Variants in NALF1 observed in about 807,000 individuals in gnomAD.
NALF1 encodes the protein NALCN channel auxiliary factor 1, also known as family with sequence similarity 155 member A.
A neutral mutation model predicts 48.4 loss-of-function variants in NALF1; 3 were observed. The ratio of observed to expected loss-of-function variants is 0.06; its 90% confidence interval spans 0.03 to 0.16. The LOEUF (loss-of-function observed/expected upper bound fraction) is 0.16, where lower values mean the gene tolerates loss of function less well. Ranked by LOEUF, NALF1 falls within the 10% of genes least tolerant of loss-of-function variation. The pLI, the probability that NALF1 is intolerant of heterozygous loss-of-function variation, is 1.00. For missense variants in NALF1, 526 were observed against 571.5 expected, an observed-to-expected ratio of 0.92 and a Z score of 0.81; for synonymous variants, 262 against 245.7, an observed-to-expected ratio of 1.07 and a Z score of -0.62.
intron 1 of NALF1, among the ~76,000 whole-genome samples, chr13:107,283,911 G>A (rs143130764): frequency 1.8e-4 from 27 of 151,970 alleles, no homozygotes; most frequent in Middle Eastern, 3.4e-3. Context: ...CACCCACCTC[G>A]GCCTCCCAAA....
intron 1 of NALF1, among the ~76,000 whole-genome samples, chr13:107,509,378 A>G (rs1875807033): frequency 6.6e-6 from 1 of 152,154 alleles, no homozygotes; most frequent in South Asian, 2.1e-4. Flanking sequence ...TAACTACGAA[A>G]CCGTTGTCTA....
chr13:107,523,764 T>C (rs1876332537), intron 1 of NALF1, among the ~76,000 whole-genome samples: 1 of 151,980 alleles, frequency 6.6e-6, no homozygotes. Flanking sequence ...TAACAAATTA[T>C]TTTGGTTTGA....
chr13:107,662,289 G>A (rs1329327623), intron 1 of NALF1, among the ~76,000 whole-genome samples: 1 of 152,190 alleles, frequency 6.6e-6, no homozygotes, highest in Non-Finnish European at 1.5e-5. Flanking sequence ...TCCACATGGA[G>A]TCCTGGACCC....
chr13:107,345,323 A>G (rs1362525235), intron 1 of NALF1, among the ~76,000 whole-genome samples: 2 of 152,170 alleles, frequency 1.3e-5, no homozygotes, highest in Admixed American at 6.5e-5. Context: ...TTCATATGGA[A>G]TCTGGAAGGA....
At chr13:107,540,821 A>G (rs1876978691) in intron 1 of NALF1, among the ~76,000 whole-genome samples, 1 of 152,164 alleles carries the variant, frequency 6.6e-6, no homozygotes, top group Non-Finnish European at 1.5e-5. Flanking sequence ...GGATATTCCT[A>G]AACAAGAAAC....
At chr13:107,514,061 T>C (rs1875979084) in intron 1 of NALF1, among the ~76,000 whole-genome samples, 1 of 152,210 alleles carries the variant, frequency 6.6e-6, no homozygotes. Flanking sequence ...TCCTAGAGAC[T>C]CAGAGTCCTT....
chr13:107,777,067 G>C (rs539968201), intron 1 of NALF1, among the ~76,000 whole-genome samples: 60 of 152,210 alleles, frequency 3.9e-4, no homozygotes, highest in South Asian at 1.7e-3. Context: ...ACTCCAGCCT[G>C]GGTGATGGAG....
intron 1 of NALF1, among the ~76,000 whole-genome samples, chr13:107,607,769 C>T (rs1317400360): frequency 1.3e-5 from 2 of 152,142 alleles, no homozygotes; most frequent in East Asian, 3.9e-4. Flanking sequence ...CCTTGCCTTA[C>T]TTATCATTTC....
At chr13:107,216,829 T>G (rs921392881) in intron 1 of NALF1, among the ~76,000 whole-genome samples, 1 of 152,146 alleles carries the variant, frequency 6.6e-6, no homozygotes, top group African/African-American at 2.4e-5. Context: ...GCAAGCCCAG[T>G]TGGCCAATCA....
At chr13:107,645,400 G>A (rs942534840) in intron 1 of NALF1, among the ~76,000 whole-genome samples, 5 of 152,078 alleles carry the variant, frequency 3.3e-5, no homozygotes, top group Non-Finnish European at 7.4e-5. Context: ...CCCAGAATCT[G>A]TGAAGATTTT....
intron 1 of NALF1, among the ~76,000 whole-genome samples, chr13:107,775,625 C>T (rs940431809): frequency 1.7e-4 from 26 of 150,444 alleles, no homozygotes; most frequent in South Asian, 8.4e-4. Flanking sequence ...CCTGAGGAAT[C>T]GCCACACTGA....
At chr13:107,420,481 A>G (rs1445760528) in intron 1 of NALF1, among the ~76,000 whole-genome samples, 1 of 152,168 alleles carries the variant, frequency 6.6e-6, no homozygotes, top group African/African-American at 2.4e-5. Flanking sequence ...TCTAACTGGC[A>G]AAAATTAATT....
At chr13:107,298,185 TA>T (rs916932513) in intron 1 of NALF1, among the ~76,000 whole-genome samples, 1 of 151,008 alleles carries the variant, frequency 6.6e-6, no homozygotes, top group Non-Finnish European at 1.5e-5. Flanking sequence ...CCGTCTCTAA[TA>T]AAAAATACAC....
intron 1 of NALF1, among the ~76,000 whole-genome samples, chr13:107,328,823 G>A (rs1054284861): frequency 7.2e-5 from 11 of 152,282 alleles, no homozygotes; most frequent in African/African-American, 1.2e-4. Context: ...GGTGGCCAAC[G>A]CTATCAAAAA....
At chr13:107,645,028 A>T (rs1880277789) in intron 1 of NALF1, among the ~76,000 whole-genome samples, 1 of 152,144 alleles carries the variant, frequency 6.6e-6, no homozygotes, top group Non-Finnish European at 1.5e-5. Context: ...ACTACAATTT[A>T]TTTGGTATTG....
At chr13:107,519,668 T>C (rs1472051740) in intron 1 of NALF1, among the ~76,000 whole-genome samples, 1 of 152,172 alleles carries the variant, frequency 6.6e-6, no homozygotes, top group Non-Finnish European at 1.5e-5. Context: ...AGTTTCAGCA[T>C]ATAATATATA....
At chr13:107,281,267 A>G (rs1170978414) in intron 1 of NALF1, among the ~76,000 whole-genome samples, 3 of 152,232 alleles carry the variant, frequency 2.0e-5, no homozygotes, top group Non-Finnish European at 4.4e-5. Flanking sequence ...GTTGACGATG[A>G]TAAGTCCCAT....
intron 1 of NALF1, among the ~76,000 whole-genome samples, chr13:107,690,578 G>A (rs1187901011): frequency 6.6e-6 from 1 of 152,170 alleles, no homozygotes; most frequent in Non-Finnish European, 1.5e-5. Context: ...TAAAATTTAG[G>A]AAATGAAAGC....
At chr13:107,311,021 C>G (rs1045661489) in intron 1 of NALF1, among the ~76,000 whole-genome samples, 22 of 152,026 alleles carry the variant, frequency 1.4e-4, no homozygotes, top group Admixed American at 1.2e-3. Flanking sequence ...GAAAATATGG[C>G]TAGGGAAAAA....
Sources: gnomAD v4.1 joint callset for allele counts (sites outside exome capture counted in the v4.1 genomes callset) on GRCh38, gnomAD v4.1.1 for gene constraint, MANE v1.5 for transcripts, NCBI Gene and HGNC (gene_info 2026-07-23, HGNC 2026-07-21) for gene names.